Variants in COG5 observed in about 807,000 individuals in gnomAD.
COG5 encodes the protein component of oligomeric golgi complex 5.
COG5 carries 86 observed loss-of-function variants against 110.4 expected under a neutral mutation model. The observed-to-expected ratio is 0.78, with a 90% confidence interval of 0.65 to 0.93. The LOEUF (loss-of-function observed/expected upper bound fraction) is 0.93, where lower values mean the gene tolerates loss of function less well. COG5 is among the 40% of genes least tolerant of loss of function. The pLI, the probability that COG5 is intolerant of heterozygous loss-of-function variation, is 0.00. For missense variants in COG5, 1,077 were observed against 987.0 expected (o/e 1.09, Z -1.22); for synonymous variants, 360 against 334.6 (o/e 1.08, Z -0.83).
chr7:107,210,735 G>A, intron 20 of COG5, 130 bp from the exon 21 acceptor site: 1 of 1,043,304 alleles, frequency 9.6e-7, no homozygotes, highest in Non-Finnish European at 1.4e-6. Context: ...CAAGGGAAGT[G>A]TGAAGGGGGC....
At chr7:107,227,651 A>C (rs2116371965) in intron 19 of COG5, among the ~76,000 whole-genome samples, 1 of 150,302 alleles carries the variant, frequency 6.7e-6, no homozygotes, top group South Asian at 2.1e-4. Context: ...GAGTGCTTAC[A>C]TGAAGGTCAT....
At chr7:107,234,894 G>T (rs1483594166) in intron 18 of COG5, among the ~76,000 whole-genome samples, 1 of 151,974 alleles carries the variant, frequency 6.6e-6, no homozygotes, top group Non-Finnish European at 1.5e-5. Flanking sequence ...CTTTCTTTAA[G>T]CCAAGTGTAC....
rs532755694 is a variant in COG5 at position 107,511,341 on chromosome 7, A to C, written c.538+15896T>G. On this transcript the variant is annotated intron_variant, in intron 6 of 21. Transcript: ENST00000297135. ...ACACATACACCATCCCAAGACTAAA[A>C]CAGGAAGAAGTTGAATCTCTGAATA... 1.1e-4 allele frequency among the ~76,000 whole-genome samples: 16 copies of C among 152,220 alleles called. No homozygotes were observed. In the East Asian group the frequency reaches 1.2e-3, roughly 11 times the overall value.
chr7:107,372,549 T>C, intron 8 of COG5, 46 bp downstream of exon 8: 2 of 1,584,860 alleles, frequency 1.3e-6, no homozygotes, highest in Non-Finnish European at 1.7e-6. Context: ...AAAAGACTTC[T>C]CAGTTATAAA....
At chr7:107,434,444 A>C (rs1794225587) in intron 6 of COG5, among the ~76,000 whole-genome samples, 1 of 152,216 alleles carries the variant, frequency 6.6e-6, no homozygotes, top group Non-Finnish European at 1.5e-5. Flanking sequence ...GCAGAGATAA[A>C]TGCATAAAGA....
intron 19 of COG5, among the ~76,000 whole-genome samples, 163 bp downstream of exon 19, chr7:107,230,452 A>C (rs563245550): frequency 2.4e-4 from 36 of 152,340 alleles, no homozygotes; most frequent in African/African-American, 8.4e-4. Context: ...ATAAATATCT[A>C]TATGGGTTTC....
chr7:107,251,405 A>G (rs1406390518), intron 16 of COG5, among the ~76,000 whole-genome samples: 2 of 152,146 alleles, frequency 1.3e-5, no homozygotes, highest in African/African-American at 2.4e-5. Context: ...TTAAATGATG[A>G]TTTAAAATAA....
chr7:107,258,748 T>G (rs1803084815), intron 14 of COG5: 1 of 174,964 alleles, frequency 5.7e-6, no homozygotes, highest in African/African-American at 2.4e-5. Flanking sequence ...AAGGAATACC[T>G]TCCGGCAACT....
chr7:107,467,139 T>C (rs1227157086), intron 6 of COG5, among the ~76,000 whole-genome samples: 1 of 152,202 alleles, frequency 6.6e-6, no homozygotes, highest in Non-Finnish European at 1.5e-5. Flanking sequence ...TTAAAATATT[T>C]ATAACTAAAA....
chr7:107,490,683 C>T (rs574950724), intron 6 of COG5, among the ~76,000 whole-genome samples: 2 of 152,268 alleles, frequency 1.3e-5, no homozygotes, highest in South Asian at 4.2e-4. Flanking sequence ...GTTATATCTT[C>T]CTAACAGTCC....
At chr7:107,322,097 G>A (rs1312147657) in intron 11 of COG5, among the ~76,000 whole-genome samples, 1 of 152,196 alleles carries the variant, frequency 6.6e-6, no homozygotes, top group Non-Finnish European at 1.5e-5. Flanking sequence ...TGGCATCTAA[G>A]CCTGTGAAAA....
chr7:107,333,809 C>T (rs528541214), intron 10 of COG5, among the ~76,000 whole-genome samples: 2 of 152,202 alleles, frequency 1.3e-5, no homozygotes, highest in East Asian at 3.9e-4. Flanking sequence ...AATTTCAATA[C>T]TAACATACAT....
intron 10 of COG5, among the ~76,000 whole-genome samples, chr7:107,337,825 G>C (rs1381817825): frequency 1.3e-5 from 2 of 152,016 alleles, no homozygotes; most frequent in Admixed American, 6.5e-5. Context: ...CATGGAAATA[G>C]GTACCTGAGG....
At chr7:107,289,392 G>A (rs932447953) in intron 12 of COG5, among the ~76,000 whole-genome samples, 6 of 151,858 alleles carry the variant, frequency 4.0e-5, no homozygotes, top group African/African-American at 7.3e-5. Flanking sequence ...CTATACCATA[G>A]GGATTAAAAT....
chr7:107,464,697 T>C (rs975487431), intron 6 of COG5, among the ~76,000 whole-genome samples: 5 of 152,138 alleles, frequency 3.3e-5, no homozygotes, highest in Non-Finnish European at 5.9e-5. Flanking sequence ...GTTTCATGGA[T>C]GCTAACATAA....
In COG5 at chr7:107,557,679, T is replaced by G. The variant is rs1357642632; in HGVS notation, c.234+297A>C. Among the ~76,000 whole-genome samples the G allele has an allele frequency of 2.6e-5, 4 of 152,236 alleles. No homozygotes were observed. The South Asian group carries it at 6.2e-4, about 24-fold the overall frequency. On this transcript the variant is annotated intron_variant, in intron 2 of 21. Transcript: ENST00000297135. ...ATATTGTTTTACTTCCAAAATTCCATTTTCTATTATCTTTATCGAACACAT... is the reference window on the plus strand; with the variant it reads ...ATATTGTTTTACTTCCAAAATTCCAGTTTCTATTATCTTTATCGAACACAT...
intron 3 of COG5, among the ~76,000 whole-genome samples, chr7:107,552,787 T>C (rs1803008074): frequency 6.6e-6 from 1 of 152,146 alleles, no homozygotes; most frequent in Admixed American, 6.5e-5. Context: ...AGAAAATAAA[T>C]TGTTCCACCA....
chr7:107,340,608 T>TA lies in COG5; in HGVS notation c.1027-16088dup, dbSNP rs978723393. Among the ~76,000 whole-genome samples, 16 of 152,210 alleles carry TA rather than the reference T, an allele frequency of 1.1e-4. No individual in the cohort carries two copies. The East Asian group carries it at 1.7e-3, about 17-fold the overall frequency. The stretch of plus-strand genomic sequence containing the variant: ...GAAAACCACCAGACAACATTGCTGA[T>TA]AAACATAGATGTAAAAATTCCCAAC... On this transcript the variant is annotated intron_variant, in intron 10 of 21. Transcript: ENST00000297135.
At chr7:107,214,386 A>G (rs1799377206) in intron 19 of COG5, among the ~76,000 whole-genome samples, 1 of 152,244 alleles carries the variant, frequency 6.6e-6, no homozygotes, top group Admixed American at 6.5e-5. Context: ...TTCAGAAATG[A>G]GAAAGAAATA....
Sources: gnomAD v4.1 joint callset for allele counts (sites outside exome capture counted in the v4.1 genomes callset) on GRCh38, gnomAD v4.1.1 for gene constraint, MANE v1.5 for transcripts, NCBI Gene and HGNC (gene_info 2026-07-23, HGNC 2026-07-21) for gene names.